SHROOM4: variants seen among roughly 807,000 people sequenced by gnomAD.
SHROOM4 encodes shroom family member 4.
SHROOM4 carries 17 observed loss-of-function variants against 80.3 expected under a neutral mutation model. The ratio of observed to expected loss-of-function variants is 0.21; its 90% CI spans 0.14 to 0.32. SHROOM4 has a LOEUF of 0.32. Ranked by LOEUF, SHROOM4 falls within the 10% of genes least tolerant of loss-of-function variation. SHROOM4 has a pLI of 1.00. For synonymous variants in SHROOM4, 400 were observed against 437.5 expected (o/e 0.91, Z 1.07); for missense variants, 993 against 1,140.3 (o/e 0.87, Z 1.86).
At chrX:50,616,160 C>T (rs1557250761) in intron 5 of SHROOM4, among the ~76,000 whole-genome samples, 1 of 112,338 alleles carries the variant, frequency 8.9e-6, no homozygotes, top group Admixed American at 9.4e-5. Context: ...ATCATTTTTT[C>T]AGTTTTTGGT....
At chrX:50,717,366 C>T (rs1277374915) in intron 1 of SHROOM4, among the ~76,000 whole-genome samples, 3 of 111,696 alleles carry the variant, frequency 2.7e-5, no homozygotes, top group South Asian at 7.7e-4. Context: ...TACAGGCGAC[C>T]GCCACCACAC....
rs530418612 is a variant in SHROOM4 at position 50,644,713 on chromosome X, C to T, written c.270-6405G>A. On this transcript the variant is annotated intron_variant, in intron 2 of 8. Transcript: ENST00000376020. Reference sequence around the variant, plus strand: ...GCCTTTCCTCTCTGGGGAAATCATGCCTGGAGGCCCCTTCCCCTTTCTTCC... The same window carrying T: ...GCCTTTCCTCTCTGGGGAAATCATGTCTGGAGGCCCCTTCCCCTTTCTTCC... Among the ~76,000 whole-genome samples the T allele has an allele frequency of 2.7e-5, 3 of 112,379 alleles. No individual in the cohort carries two copies. The East Asian group carries it at 8.4e-4, about 32-fold the overall frequency.
At chrX:50,599,516 A>C (rs1008203347) in intron 7 of SHROOM4, among the ~76,000 whole-genome samples, 1 of 111,697 alleles carries the variant, frequency 9.0e-6, no homozygotes, top group Admixed American at 9.5e-5. Flanking sequence ...TTATGCATGC[A>C]AAGTGTTTGG....
chrX:50,710,247 A>G (rs781892370), intron 1 of SHROOM4, among the ~76,000 whole-genome samples: 22 of 112,212 alleles, frequency 2.0e-4, no homozygotes, highest in African/African-American at 7.1e-4. Context: ...CACAATAGCT[A>G]CGACATGGAA....
intron 1 of SHROOM4, among the ~76,000 whole-genome samples, chrX:50,725,394 A>C (rs781797812): frequency 8.9e-6 from 1 of 112,246 alleles, no homozygotes; most frequent in African/African-American, 3.2e-5. Flanking sequence ...ACTTGCTCAT[A>C]GGGCATAGGT....
At chrX:50,785,887 A>C (rs1935729371) in intron 1 of SHROOM4, among the ~76,000 whole-genome samples, 3 of 111,994 alleles carry the variant, frequency 2.7e-5, no homozygotes, top group African/African-American at 6.5e-5. Context: ...ATATATTAAT[A>C]AAATAAGACT....
At chrX:50,804,951 A>T (rs191463538) in intron 1 of SHROOM4, among the ~76,000 whole-genome samples, 161 of 110,860 alleles carry the variant, frequency 1.5e-3, no homozygotes, top group Non-Finnish European at 2.4e-3. Context: ...CTCTTGTCAA[A>T]TCCTCTACAG....
chrX:50,615,689 G>A (rs189951856), intron 5 of SHROOM4, among the ~76,000 whole-genome samples: 8 of 111,381 alleles, frequency 7.2e-5, no homozygotes, highest in Admixed American at 6.7e-4. Flanking sequence ...CTGTAACCTC[G>A]TAGCCCAGGT....
In SHROOM4 at chrX:50,798,602, T is replaced by C. The variant is rs144876133; in HGVS notation, c.117+15300A>G. The stretch of plus-strand genomic sequence containing the variant: ...GGTAGAGTTGAGTTCAAATCACAGC[T>C]CTACCACTTACTGGCTTGGTTACTT... On this transcript the variant is annotated intron_variant, in intron 1 of 8. Transcript: ENST00000376020. Among the ~76,000 whole-genome samples the C allele has an allele frequency of 4.8e-3, 535 of 111,533 alleles. 5 individuals are homozygous for C. Among genetic ancestry groups the C allele is most frequent in the African/African-American group, 0.015 (454 of 30,697 alleles).
At chrX:50,725,772 A>G (rs1376311153) in intron 1 of SHROOM4, among the ~76,000 whole-genome samples, 1 of 112,593 alleles carries the variant, frequency 8.9e-6, no homozygotes, top group Non-Finnish European at 1.9e-5. Context: ...ACCCAGTCTC[A>G]GGTAGTTCTT....
chrX:50,702,879 T>C (rs1933556545), intron 1 of SHROOM4, among the ~76,000 whole-genome samples: 1 of 112,009 alleles, frequency 8.9e-6, no homozygotes, highest in East Asian at 2.8e-4. Flanking sequence ...GCTGTTCTTG[T>C]GATAGTGAGG....
At chrX:50,690,049 T>G (rs963598784) in intron 2 of SHROOM4, among the ~76,000 whole-genome samples, 6 of 112,179 alleles carry the variant, frequency 5.3e-5, no homozygotes, top group African/African-American at 1.9e-4. Flanking sequence ...AATTCACAGA[T>G]AAAAATATCT....
intron 1 of SHROOM4, among the ~76,000 whole-genome samples, chrX:50,790,728 T>C (rs1252188893): frequency 9.0e-6 from 1 of 111,692 alleles, no homozygotes; most frequent in African/African-American, 3.3e-5. Flanking sequence ...AAAAAAGCAT[T>C]TGACAAATTC....
intron 2 of SHROOM4, 141 bp from the exon 3 acceptor site, chrX:50,638,449 C>T (rs1008954166): frequency 1.4e-6 from 1 of 704,284 alleles, no homozygotes; most frequent in Non-Finnish European, 2.1e-6. Context: ...CTTAGTGGCC[C>T]TCCTGAGCTC....
At chrX:50,727,689 C>T (rs1934271992) in intron 1 of SHROOM4, among the ~76,000 whole-genome samples, 1 of 112,318 alleles carries the variant, frequency 8.9e-6, no homozygotes, top group Admixed American at 9.4e-5. Flanking sequence ...CCTGAGGCCT[C>T]CCCAGCCATG....
intron 2 of SHROOM4, among the ~76,000 whole-genome samples, chrX:50,661,479 T>G (rs1932511243): frequency 8.9e-6 from 1 of 112,103 alleles, no homozygotes; most frequent in Non-Finnish European, 1.9e-5. Context: ...AATACAGGCA[T>G]GAGCCACCGC....
At chrX:50,794,970 A>G (rs1557271880) in intron 1 of SHROOM4, among the ~76,000 whole-genome samples, 1 of 96,155 alleles carries the variant, frequency 1.0e-5, no homozygotes, top group African/African-American at 3.9e-5. Context: ...GCATATATAT[A>G]TATCTCATAC....
intron 2 of SHROOM4, among the ~76,000 whole-genome samples, chrX:50,691,564 A>T (rs1483866595): frequency 9.0e-6 from 1 of 111,395 alleles, no homozygotes; most frequent in Non-Finnish European, 1.9e-5. Context: ...GTTGAGGGTG[A>T]CACCTACATT....
rs924269167 is a variant in SHROOM4 at position 50,800,560 on chromosome X, G to A, written c.117+13342C>T. ...TTGAAGGTTAGGTCCTATGGAGAGG[G>A]CCAGAGAAGTGAGAAGTCCTTCCAA... On this transcript the variant is annotated intron_variant, in intron 1 of 8. Transcript: ENST00000376020. Among the ~76,000 whole-genome samples the A allele has an allele frequency of 1.3e-4, 15 of 111,262 alleles. No homozygotes were observed. In the Admixed American group the frequency reaches 1.4e-3, roughly 11 times the overall value.
Sources: allele counts gnomAD v4.1 joint callset (sites outside exome capture counted in the v4.1 genomes callset), GRCh38; gene constraint gnomAD v4.1.1; transcripts MANE v1.5; gene names NCBI Gene and HGNC (gene_info 2026-07-23, HGNC 2026-07-21).